Variants in TBC1D22A observed in about 807,000 individuals in gnomAD.
The protein encoded by TBC1D22A is TBC1 domain family member 22A, also known as putative GTPase activator.
TBC1D22A carries 38 observed loss-of-function variants against 60.2 expected under a neutral mutation model. The ratio of observed to expected loss-of-function variants is 0.63; its 90% CI spans 0.49 to 0.83. TBC1D22A has a LOEUF of 0.83. TBC1D22A is among the 40% of genes least tolerant of loss of function. TBC1D22A has a pLI of 0.00. For synonymous variants in TBC1D22A, 302 were observed against 281.7 expected (o/e 1.07, Z -0.72); for missense variants, 628 against 701.0 (o/e 0.90, Z 1.18).
chr22:47,039,653 G>C (rs2062769995), intron 11 of TBC1D22A, among the ~76,000 whole-genome samples: 1 of 143,548 alleles, frequency 7.0e-6, no homozygotes, highest in African/African-American at 2.6e-5. Context: ...GAAGAGAATG[G>C]CCCTGCTCCC....
At chr22:46,965,982 A>G (rs1285296629) in intron 8 of TBC1D22A, among the ~76,000 whole-genome samples, 1 of 151,824 alleles carries the variant, frequency 6.6e-6, no homozygotes, top group East Asian at 1.9e-4. Context: ...CTGGCTCCTC[A>G]CACCTCCCGC....
In TBC1D22A at chr22:46,825,936, A is replaced by G. The variant is rs549159671; in HGVS notation, c.637+28316A>G. Among the ~76,000 whole-genome samples the G allele has an allele frequency of 4.0e-4, 59 of 146,626 alleles. 1 individual carries two copies. Among genetic ancestry groups the G allele is most frequent in the South Asian group, 2.2e-3 (10 of 4,622 alleles). Reference sequence around the variant, plus strand: ...CTTGCTCTGTCGCCCAGGCTGGAGTACAGTGGCGCCATCTCGGCTTACTGC... The same window carrying G: ...CTTGCTCTGTCGCCCAGGCTGGAGTGCAGTGGCGCCATCTCGGCTTACTGC... On this transcript the variant is annotated intron_variant, in intron 4 of 12. Coordinates refer to ENST00000337137, the MANE Select transcript of TBC1D22A (RefSeq NM_014346.5).
chr22:47,052,911 A>G (rs879706377), intron 11 of TBC1D22A, among the ~76,000 whole-genome samples: 1 of 152,058 alleles, frequency 6.6e-6, no homozygotes, highest in Non-Finnish European at 1.5e-5. Context: ...CCCCGTGTTG[A>G]TGGTCTTGGG....
Position 46,765,777 on chromosome 22 carries a change from C to T in TBC1D22A, c.62+2929C>T, listed in dbSNP as rs773993291. Among the ~76,000 whole-genome samples the T allele has an allele frequency of 1.6e-3, 168 of 101,924 alleles. 1 individual carries two copies. The highest frequency in any genetic ancestry group is 6.5e-3 in the African/African-American group (159 of 24,302). The allele number at this position is 101,924 out of a possible 152,430, so 66.9% of individuals were successfully genotyped here. ...CCTCCATGCCTGGCCTTGTTTTCCTCCTTTTTTTTTTTTTTTTTCTGAGAC... is the reference window on the plus strand; with the variant it reads ...CCTCCATGCCTGGCCTTGTTTTCCTTCTTTTTTTTTTTTTTTTTCTGAGAC... On this transcript the variant is annotated intron_variant, in intron 1 of 12. Transcript: ENST00000337137.
chr22:46,902,536 G>A (rs1250437486), intron 7 of TBC1D22A, among the ~76,000 whole-genome samples: 3 of 152,160 alleles, frequency 2.0e-5, no homozygotes, highest in Non-Finnish European at 4.4e-5. Context: ...TTCCTTTATT[G>A]CCCTTTGCTA....
At chr22:47,163,762 C>T (rs2068085809) in intron 12 of TBC1D22A, among the ~76,000 whole-genome samples, 1 of 152,224 alleles carries the variant, frequency 6.6e-6, no homozygotes, top group African/African-American at 2.4e-5. Flanking sequence ...GGGCTCATGG[C>T]ATCTGGATCT....
chr22:46,866,261 T>G (rs1490605288), intron 4 of TBC1D22A, among the ~76,000 whole-genome samples: 1 of 152,164 alleles, frequency 6.6e-6, no homozygotes, highest in African/African-American at 2.4e-5. Context: ...TGTGCCACCA[T>G]GCTCAGCTAA....
At chr22:46,787,555 C>T (rs527357830) in intron 1 of TBC1D22A, among the ~76,000 whole-genome samples, 3 of 152,240 alleles carry the variant, frequency 2.0e-5, no homozygotes, top group African/African-American at 4.8e-5. Context: ...ACTGGAGCTG[C>T]GTGCATTAAC....
intron 4 of TBC1D22A, among the ~76,000 whole-genome samples, chr22:46,875,351 T>C (rs1185928990): frequency 6.6e-6 from 1 of 152,232 alleles, no homozygotes; most frequent in Non-Finnish European, 1.5e-5. Flanking sequence ...GTCCCGTCTA[T>C]GGTGATAGAT....
chr22:46,928,984 C>T (rs2071200417), intron 8 of TBC1D22A, among the ~76,000 whole-genome samples: 1 of 151,820 alleles, frequency 6.6e-6, no homozygotes, highest in African/African-American at 2.4e-5. Context: ...TTAATGGGTA[C>T]AGAGTTTCTT....
chr22:46,932,313 C>T (rs2071399875), intron 8 of TBC1D22A, among the ~76,000 whole-genome samples: 1 of 152,206 alleles, frequency 6.6e-6, no homozygotes. Flanking sequence ...CCCCAGAACT[C>T]ATGGTTTCTC....
At position 47,124,807 on chromosome 22, in the gene TBC1D22A, C is replaced by T. The variant is rs189394190; in HGVS notation, c.1425+13204C>T. Among the ~76,000 whole-genome samples the T allele has an allele frequency of 9.9e-5, 15 of 152,074 alleles. No individual in the cohort carries two copies. The East Asian group carries it at 2.9e-3, about 30-fold the overall frequency. On this transcript the variant is annotated intron_variant, in intron 12 of 12. Transcript: ENST00000337137. ...GATGAGTTTGGGCTCCACCGAGGTC[C>T]GCCAGTCTGAGCACAGCTGGTGTGA...
chr22:46,875,735 G>T (rs2067529107), intron 4 of TBC1D22A, among the ~76,000 whole-genome samples: 1 of 152,188 alleles, frequency 6.6e-6, no homozygotes, highest in South Asian at 2.1e-4. Flanking sequence ...ACAGGTGTGA[G>T]CCACTGCACC....
At chr22:47,148,487 C>T (rs2067369877) in intron 12 of TBC1D22A, among the ~76,000 whole-genome samples, 1 of 151,986 alleles carries the variant, frequency 6.6e-6, no homozygotes, top group Non-Finnish European at 1.5e-5. Context: ...CTCGGAATCG[C>T]TTGAGACCCT....
rs766540708 is a variant in TBC1D22A, at chr22:47,173,502, T to C, written c.1430T>C (p.Leu477Pro). 6.2e-7 allele frequency: 1 copy of C among 1,614,018 alleles called. No individual in the cohort carries two copies. The highest frequency in any genetic ancestry group is 2.2e-5 in the East Asian group (1 of 44,868). ...GGCTTGTCTCTTTCTCCCCAGGAGC[T>C]GCTGCTCTTCCTCCAGAACCTGCCC... ...EILEEKDFQE[L>P]LLFLQNLPTA... Residue 477 changes from leucine (L) to proline (P), a missense_variant, in exon 13 of 13, where the codon CTG becomes CCG. Transcript: ENST00000337137.
intron 1 of TBC1D22A, among the ~76,000 whole-genome samples, chr22:46,771,570 C>A (rs1431375058): frequency 6.6e-6 from 1 of 151,884 alleles, no homozygotes; most frequent in African/African-American, 2.4e-5. Context: ...TATGACTTTG[C>A]ATCCTCATGG....
intron 11 of TBC1D22A, among the ~76,000 whole-genome samples, chr22:47,109,448 C>G (rs1451738445): frequency 6.6e-6 from 1 of 152,234 alleles, no homozygotes; most frequent in African/African-American, 2.4e-5. Context: ...TATGCACCCT[C>G]TTCATGTTCT....
intron 4 of TBC1D22A, among the ~76,000 whole-genome samples, chr22:46,855,211 C>T (rs943899906): frequency 6.6e-6 from 1 of 152,166 alleles, no homozygotes; most frequent in African/African-American, 2.4e-5. Flanking sequence ...TACTTGTGCC[C>T]AAGGTGTCTG....
At chr22:47,095,064 C>T (rs891158255) in intron 11 of TBC1D22A, among the ~76,000 whole-genome samples, 1 of 152,250 alleles carries the variant, frequency 6.6e-6, no homozygotes, top group Non-Finnish European at 1.5e-5. Context: ...ATGTACAGCT[C>T]TTACTACAGC....
Sources: allele counts gnomAD v4.1 joint callset (sites outside exome capture counted in the v4.1 genomes callset), GRCh38; gene constraint gnomAD v4.1.1; transcripts MANE v1.5; gene names NCBI Gene and HGNC (gene_info 2026-07-23, HGNC 2026-07-21).